The following ZCWPW2 variants were observed in gnomAD, a reference collection of about 807,000 sequenced individuals.
ZCWPW2 encodes the protein zinc finger CW-type and PWWP domain containing 2, also known as zinc finger CW-type PWWP domain protein 2.
A neutral mutation model predicts 46.6 loss-of-function variants in ZCWPW2; 45 were observed. The ratio of observed to expected loss-of-function variants is 0.96; its 90% CI spans 0.76 to 1.24. The LOEUF (loss-of-function observed/expected upper bound fraction) is 1.24. Ranked by LOEUF, ZCWPW2 falls within the 50% of genes most tolerant of loss-of-function variation. The pLI is 0.00. For missense variants in ZCWPW2, 429 were observed against 403.9 expected (o/e 1.06, Z -0.53); for synonymous variants, 152 against 137.1 (o/e 1.11, Z -0.76).
chr3:28,371,972 C>G (rs1705349029), intron 1 of ZCWPW2, among the ~76,000 whole-genome samples: 1 of 93,384 alleles, frequency 1.1e-5, no homozygotes, highest in South Asian at 3.3e-4. Flanking sequence ...TTCTTCTTTC[C>G]TCCTCCTCCT....
intron 1 of ZCWPW2, among the ~76,000 whole-genome samples, chr3:28,355,354 G>A (rs766564930): frequency 1.5e-4 from 23 of 152,190 alleles, no homozygotes; most frequent in African/African-American, 2.2e-4. Context: ...AAAAGAGGAC[G>A]CAAATAAATG....
Position 28,516,956 on chromosome 3 carries a change from G to A in ZCWPW2, c.784+1335G>A, listed in dbSNP as rs368395498. ...GAGCCCAGGAGTTTGAGCTTGCAGT[G>A]ATCTATGATCACGCCACTGCACTCC... On this transcript the variant is annotated intron_variant, in intron 8 of 9. Coordinates refer to ENST00000383768, the MANE Select transcript of ZCWPW2 (RefSeq NM_001040432.4). 4.6e-5 allele frequency among the ~76,000 whole-genome samples: 7 copies of A among 152,274 alleles called. No homozygotes were observed. The South Asian group carries it at 1.2e-3, about 27-fold the overall frequency.
intron 4 of ZCWPW2, among the ~76,000 whole-genome samples, chr3:28,473,887 G>A (rs970695676): frequency 1.3e-5 from 2 of 152,210 alleles, no homozygotes; most frequent in Non-Finnish European, 2.9e-5. Context: ...GGTTAATGGA[G>A]TGTCAGGGGG....
chr3:28,393,635 A>G (rs913566229), intron 2 of ZCWPW2, among the ~76,000 whole-genome samples: 7 of 152,174 alleles, frequency 4.6e-5, no homozygotes, highest in African/African-American at 1.7e-4. Flanking sequence ...ATGGTTCAAC[A>G]TATGCAAATG....
chr3:28,374,469 T>C (rs912132888), intron 1 of ZCWPW2, among the ~76,000 whole-genome samples: 2 of 152,166 alleles, frequency 1.3e-5, no homozygotes, highest in African/African-American at 4.8e-5. Context: ...TCTATTTTGG[T>C]TCCATATAAA....
intron 6 of ZCWPW2, among the ~76,000 whole-genome samples, chr3:28,509,409 A>G (rs1329999387): frequency 6.6e-6 from 1 of 152,182 alleles, no homozygotes; most frequent in Non-Finnish European, 1.5e-5. Context: ...ACTAAACTAT[A>G]TTCCAAAGTA....
At chr3:28,447,480 A>G (rs966270437) in intron 4 of ZCWPW2, among the ~76,000 whole-genome samples, 2 of 152,100 alleles carry the variant, frequency 1.3e-5, no homozygotes, top group African/African-American at 2.4e-5. Context: ...AAAACACTCA[A>G]CAAACTAGGA....
intron 3 of ZCWPW2, among the ~76,000 whole-genome samples, chr3:28,422,729 T>C (rs180903809): frequency 1.3e-5 from 2 of 152,246 alleles, no homozygotes; most frequent in African/African-American, 4.8e-5. Flanking sequence ...TTTGGGTAAA[T>C]ACCAAGGACT....
At chr3:28,510,380 A>T (rs1700394578) in intron 6 of ZCWPW2, among the ~76,000 whole-genome samples, 1 of 152,194 alleles carries the variant, frequency 6.6e-6, no homozygotes, top group South Asian at 2.1e-4. Flanking sequence ...GATAATTCCA[A>T]CGTAGTCCTT....
chr3:28,438,429 G>GGAAA (rs1697586946), intron 4 of ZCWPW2, among the ~76,000 whole-genome samples: 1 of 152,202 alleles, frequency 6.6e-6, no homozygotes, highest in Non-Finnish European at 1.5e-5. Context: ...GCAGGCAGAG[G>GGAAA]GAAAGGTGCA....
rs560639475 is a variant in ZCWPW2, at chr3:28,484,127, C to T, written c.610+5196C>T. On this transcript the variant is annotated intron_variant, in intron 5 of 9. Transcript: ENST00000383768. ...TAGCTTTAGATATTTTGTAAATGCTCTTTATGAAGCTGAGGAAGTTCCCGT... is the reference window on the plus strand; with the variant it reads ...TAGCTTTAGATATTTTGTAAATGCTTTTTATGAAGCTGAGGAAGTTCCCGT... Among the ~76,000 whole-genome samples, 5 of 151,192 alleles carry T rather than the reference C, an allele frequency of 3.3e-5. No homozygotes were observed. In the South Asian group the frequency reaches 8.3e-4, roughly 25 times the overall value.
intron 1 of ZCWPW2, among the ~76,000 whole-genome samples, chr3:28,362,491 A>G (rs907129815): frequency 2.0e-5 from 3 of 152,168 alleles, no homozygotes; most frequent in Admixed American, 6.5e-5. Context: ...CAATATCATC[A>G]TTACAGAAGT....
At chr3:28,507,844 G>A (rs1025679289) in intron 6 of ZCWPW2, among the ~76,000 whole-genome samples, 2 of 151,846 alleles carry the variant, frequency 1.3e-5, no homozygotes, top group African/African-American at 4.8e-5. Context: ...TTTTTTGAGA[G>A]GTAAATTGTG....
chr3:28,429,534 A>C (rs1697157880), intron 3 of ZCWPW2, among the ~76,000 whole-genome samples: 1 of 152,180 alleles, frequency 6.6e-6, no homozygotes. Flanking sequence ...GAAAAGAAAA[A>C]CCCATTTTCT....
chr3:28,377,578 G>C (rs1406753334), intron 1 of ZCWPW2, among the ~76,000 whole-genome samples: 1 of 152,002 alleles, frequency 6.6e-6, no homozygotes, highest in Non-Finnish European at 1.5e-5. Context: ...TAAATCAGCT[G>C]TATGACTTCC....
Position 28,349,213 on chromosome 3 carries a change from T to C in ZCWPW2, c.-134+10T>C, listed in dbSNP as rs1333078288. 2.1e-5 allele frequency: 21 copies of C among 985,188 alleles called. No individual in the cohort carries two copies. The highest frequency in any genetic ancestry group is 1.4e-5 in the Non-Finnish European group (12 of 829,882). The allele number at this position is 985,188 out of a possible 1,614,324, so 61.0% of individuals were successfully genotyped here. A position where few individuals can be genotyped will look rare whatever the true frequency, so the allele number is the denominator to read the frequency against. ...GGCGGAGTGGAGTTAGGTAAGAGCG[T>C]TACCAGCCGTCTTGTCTGTTGGGCC... On this transcript the variant is annotated intron_variant, in intron 1 of 9. Coordinates refer to ENST00000383768, the MANE Select transcript of ZCWPW2 (RefSeq NM_001040432.4).
intron 4 of ZCWPW2, among the ~76,000 whole-genome samples, chr3:28,450,228 T>G (rs1364925306): frequency 6.6e-6 from 1 of 152,220 alleles, no homozygotes; most frequent in African/African-American, 2.4e-5. Flanking sequence ...TGGTTATGGT[T>G]TATAGCTTTC....
intron 4 of ZCWPW2, among the ~76,000 whole-genome samples, chr3:28,458,950 C>T (rs1037433666): frequency 1.3e-5 from 2 of 152,136 alleles, no homozygotes; most frequent in East Asian, 1.9e-4. Flanking sequence ...ATTATTAATA[C>T]AAATGTTGTT....
chr3:28,403,327 A>G (rs1696023470), intron 2 of ZCWPW2, among the ~76,000 whole-genome samples: 1 of 152,160 alleles, frequency 6.6e-6, no homozygotes, highest in South Asian at 2.1e-4. Context: ...ACTTAGGAAT[A>G]CACCTAACCA....
Sources: gnomAD v4.1 joint callset for allele counts (sites outside exome capture counted in the v4.1 genomes callset) on GRCh38, gnomAD v4.1.1 for gene constraint, MANE v1.5 for transcripts, NCBI Gene and HGNC (gene_info 2026-07-23, HGNC 2026-07-21) for gene names.